Variants in KHSRP observed in about 807,000 individuals in gnomAD.
KHSRP encodes the protein far upstream element-binding protein 2.
In KHSRP, 13 loss-of-function variants were observed where a neutral mutation model predicts 94.9. The observed-to-expected ratio is 0.14, with a 90% CI of 0.09 to 0.22. The LOEUF is 0.22. KHSRP is among the 10% of genes least tolerant of loss of function. KHSRP has a pLI of 1.00. For missense variants in KHSRP, 710 were observed against 1,010.0 expected (o/e 0.70, Z 4.03); for synonymous variants, 495 against 401.4 (o/e 1.23, Z -2.79).
intron 11 of KHSRP, 78 bp from the exon 12 acceptor site, chr19:6,417,165 G>A: frequency 3.6e-6 from 4 of 1,122,464 alleles, no homozygotes; most frequent in Non-Finnish European, 3.8e-6. Context: ...GCCGCCTCCA[G>A]CGCAGACACC....
chr19:6,415,145 T>A lies in KHSRP; in HGVS notation c.2123A>T (p.Gln708Leu). The change falls in exon 19 of 19, where the codon CAG (glutamine) becomes CTG (leucine). Residue 708 changes from glutamine (Q) to leucine (L), a missense_variant. Physicochemically the swap from Gln to Leu is moderately radical, Grantham distance 113. This residue lies in a region of KHSRP where 292 missense variants were observed against 340.5 expected (regional missense o/e 0.86). Transcript: ENST00000600480. ...AGGGTGGCAATTCCCACTTGCCTGC[T>A]GCTGTCCCTGCTGCGTGGGCGGCGG... is the stretch of plus-strand genomic sequence containing the variant. Reference protein sequence around the residue: ...PQPPPTQQGQQQASGNCHPPP... With the variant: ...PQPPPTQQGQLQASGNCHPPP... The A allele has an allele frequency of 6.2e-7, 1 of 1,603,496 alleles. No individual in the cohort carries two copies. The highest frequency in any genetic ancestry group is 8.5e-7 in the Non-Finnish European group (1 of 1,178,704).
intron 6 of KHSRP, 135 bp downstream of exon 6, chr19:6,419,938 C>T: frequency 4.3e-6 from 3 of 691,132 alleles, no homozygotes; most frequent in Admixed American, 2.3e-5. Flanking sequence ...CTGCACTGAG[C>T]CTGGTCCGTA....
Position 6,414,785 on chromosome 19 carries a change from TG to T in KHSRP, c.*238del. 2 of 1,141,342 alleles carry T rather than the reference TG, an allele frequency of 1.8e-6. No homozygotes were observed. The highest frequency in any genetic ancestry group is 2.2e-6 in the Non-Finnish European group (2 of 929,408). 70.7% of individuals were successfully genotyped at this position (1,141,342 alleles called of 1,614,324 possible). A position where few individuals can be genotyped will look rare whatever the true frequency, so the allele number is the denominator to read the frequency against. On this transcript the variant is annotated 3_prime_UTR_variant, in exon 19 of 19. Coordinates refer to ENST00000600480, the MANE Select transcript of KHSRP (RefSeq NM_001366299.1). Reference sequence around the variant, plus strand: ...CCAAGTGGCCAGATTGTGAGCGAGGTGGTGGCGGCCGGGCCGGTGCCCACCG... The same window carrying T: ...CCAAGTGGCCAGATTGTGAGCGAGGTGTGGCGGCCGGGCCGGTGCCCACCG...
At chr19:6,416,441 C>G in intron 14 of KHSRP, 34 bp from the exon 15 acceptor site, 1 of 1,612,866 alleles carries the variant, frequency 6.2e-7, no homozygotes, top group South Asian at 1.1e-5. Context: ...GGTAAGTGGG[C>G]TGGGATCCGG....
intron 11 of KHSRP, 69 bp from the exon 12 acceptor site, chr19:6,417,156 C>A: frequency 8.0e-7 from 1 of 1,245,054 alleles, no homozygotes; most frequent in Non-Finnish European, 1.1e-6. Flanking sequence ...CCCTGCAACG[C>A]CGCCTCCAGC....
intron 1 of KHSRP, among the ~76,000 whole-genome samples, chr19:6,423,916 G>A (rs2092211214): frequency 6.6e-6 from 1 of 152,190 alleles, no homozygotes; most frequent in Non-Finnish European, 1.5e-5. Context: ...CCAAGAGCCA[G>A]TCCCCATGCT....
intron 15 of KHSRP, 125 bp downstream of exon 15, chr19:6,416,173 C>G (rs539156104): frequency 1.3e-6 from 1 of 748,570 alleles, no homozygotes; most frequent in South Asian, 1.9e-5. Context: ...TGATGGTATC[C>G]ACAAAAATGG....
Position 6,413,340 on chromosome 19 carries a change from C to A in KHSRP, c.*1684G>T. On this transcript the variant is annotated 3_prime_UTR_variant, in exon 19 of 19. Coordinates refer to ENST00000600480, the MANE Select transcript of KHSRP (RefSeq NM_001366299.1). ...AAGGGGGGGAGACAGACAGCACCCG[C>A]AGACGGGGAGGTTTTGTTATCATTT... 1 of 346,232 alleles carries A rather than the reference C, an allele frequency of 2.9e-6. No homozygotes were observed. Among genetic ancestry groups the A allele is most frequent in the East Asian group, 1.1e-4 (1 of 8,798 alleles). The allele number at this position is 346,232 out of a possible 1,614,324, so 21.4% of individuals were successfully genotyped here.
At position 6,414,561 on chromosome 19, in the gene KHSRP, C is replaced by G. The variant is rs1184928215; in HGVS notation, c.*463G>C. On this transcript the variant is annotated 3_prime_UTR_variant, in exon 19 of 19. Transcript: ENST00000600480. ...AGCCCGGGACACAGGCAAGCGCGAG[C>G]GCATGGGAGGCTGAGCCCGGCGGGG... is the stretch of plus-strand genomic sequence containing the variant. 4.9e-6 allele frequency: 5 copies of G among 1,021,304 alleles called. No individual in the cohort carries two copies. The South Asian group carries it at 1.7e-4, about 35-fold the overall frequency. The allele number at this position is 1,021,304 out of a possible 1,614,324, so 63.3% of individuals were successfully genotyped here. A position where few individuals can be genotyped will look rare whatever the true frequency, so the allele number is the denominator to read the frequency against.
rs2092222146 is a variant in KHSRP, at chr19:6,424,682, C to A, written c.20G>T (p.Gly7Val). The A allele has an allele frequency of 2.9e-6, 3 of 1,030,084 alleles. No individual in the cohort carries two copies. In the African/African-American group the frequency reaches 5.2e-5, roughly 18 times the overall value. 63.8% of individuals were successfully genotyped at this position (1,030,084 alleles called of 1,614,324 possible). Residue 7 changes from glycine to valine, a missense_variant, in exon 1 of 19, where the codon GGA (glycine) becomes GTA (valine). Transcript: ENST00000600480. MSDYST[G>V]GPPPGPPPPA... Reference sequence around the variant, plus strand: ...CGGCGGCGGCCCGGGCGGGGGTCCTCCCGTGCTGTAGTCCGACATGGCGCG... The same window carrying A: ...CGGCGGCGGCCCGGGCGGGGGTCCTACCGTGCTGTAGTCCGACATGGCGCG...
rs760897427 is a variant in KHSRP, at chr19:6,413,449, A to G, written c.*1575T>C. 3 of 406,008 alleles carry G rather than the reference A, an allele frequency of 7.4e-6. No individual in the cohort carries two copies. Among genetic ancestry groups the G allele is most frequent in the Admixed American group, 5.7e-5 (2 of 34,828 alleles). The allele number at this position is 406,008 out of a possible 1,614,324, so 25.2% of individuals were successfully genotyped here. ...TGTTCTCATTTTGTTTTCAGTTTCA[A>G]TCTCCTCTTGAACAGATGAAAAGAC... On this transcript the variant is annotated 3_prime_UTR_variant, in exon 19 of 19. Transcript: ENST00000600480.
At chr19:6,415,779 T>G (rs1292836933) in intron 16 of KHSRP, 29 bp downstream of exon 16, 8 of 1,553,452 alleles carry the variant, frequency 5.1e-6, no homozygotes, top group Non-Finnish European at 7.0e-6. Flanking sequence ...GAACAGGGCC[T>G]GCCCTCCGCC....
chr19:6,413,995 C>G lies in KHSRP; in HGVS notation c.*1029G>C. ...CCACCCTGCTTGCCGCGAGGGCTCC[C>G]CAGTACTCCCCACGGCAGCCATCGC... On this transcript the variant is annotated 3_prime_UTR_variant, in exon 19 of 19. Transcript: ENST00000600480. 4.2e-6 allele frequency: 6 copies of G among 1,441,668 alleles called. No individual in the cohort carries two copies. In the South Asian group the frequency reaches 5.7e-5, roughly 14 times the overall value. The allele number at this position is 1,441,668 out of a possible 1,614,324, so 89.3% of individuals were successfully genotyped here.
Position 6,415,475 on chromosome 19 carries a change from C to G in KHSRP, c.1889-18G>C, listed in dbSNP as rs545662390. ...CTGCTGGCCTGTGCGGGCGCCGAGA[C>G]AGGTCAGAAACCACTCCCCCGGCAG... On this transcript the variant is annotated intron_variant, in intron 17 of 18. Transcript: ENST00000600480. 4 of 1,553,080 alleles carry G rather than the reference C, an allele frequency of 2.6e-6. No individual in the cohort carries two copies. The highest frequency in any genetic ancestry group is 2.4e-5 in the South Asian group (2 of 84,242).
intron 1 of KHSRP, 61 bp from the exon 2 acceptor site, chr19:6,422,497 G>A: frequency 4.0e-6 from 5 of 1,251,204 alleles, no homozygotes; most frequent in Non-Finnish European, 5.8e-6. Context: ...ATGGCACCCA[G>A]GTCAACTTCT....
intron 10 of KHSRP, 47 bp from the exon 11 acceptor site, chr19:6,417,888 C>A: frequency 6.2e-7 from 1 of 1,602,730 alleles, no homozygotes; most frequent in Admixed American, 1.7e-5. Context: ...GCTCTGCTGC[C>A]CTCTGCTGCC....
Position 6,418,027 on chromosome 19 carries a change from A to G in KHSRP, c.932T>C (p.Phe311Ser). 2.5e-6 allele frequency: 4 copies of G among 1,613,914 alleles called. No homozygotes were observed. Among genetic ancestry groups the G allele is most frequent in the Non-Finnish European group, 3.4e-6 (4 of 1,179,856 alleles). Reference protein sequence around the residue: ...DILRERDQGGFGDRNEYGSRI... With the variant: ...DILRERDQGGSGDRNEYGSRI... The stretch of plus-strand genomic sequence containing the variant: ...AGATCCGTACTCATTCCGGTCCCCA[A>G]AGCCGCCTTGGTCACGTTCCCGGAG... Residue 311 changes from phenylalanine to serine, a missense_variant, in exon 10 of 19, where the codon TTT becomes TCT. By Grantham distance (155) the Phe-to-Ser change is radical (BLOSUM62 -2). Transcript: ENST00000600480. This position sits in a 1 kb window ranked among gnomAD's most constrained non-coding sequence, Gnocchi z 4.3.
Position 6,421,695 on chromosome 19 carries a change from AAG to A in KHSRP, c.347-9_347-8del, listed in dbSNP as rs758348203. The A allele has an allele frequency of 5.6e-6, 9 of 1,613,790 alleles. No individual in the cohort carries two copies. Among genetic ancestry groups the A allele is most frequent in the Admixed American group, 1.7e-5 (1 of 60,012 alleles). On this transcript the variant is annotated splice_region_variant and splice_polypyrimidine_tract_variant and intron_variant, in intron 2 of 18. Transcript: ENST00000600480. ...TTCTTGCTCTCCGGTTGATCTGGGA[AAG>A]AGAGAGGATGGCAGATGCAGCACCC...
chr19:6,415,283 C>T lies in KHSRP; in HGVS notation c.1985G>A (p.Gly662Glu). The T allele has an allele frequency of 6.2e-7, 1 of 1,613,132 alleles. No homozygotes were observed. The change falls in exon 19 of 19, where the codon GGG becomes GAG. Residue 662 changes from glycine to glutamate, a missense_variant. By Grantham distance (98) the Gly-to-Glu change is moderately conservative (BLOSUM62 -2). Coordinates refer to ENST00000600480, the MANE Select transcript of KHSRP (RefSeq NM_001366299.1). ...GGAGCCTGGGGGAGCTCCTGGACCC[C>T]CTCCGGTGGCCACTTGCGCTGTGGG... The part of the protein sequence containing the change: ...YKKQAQVATG[G>E]GPGAPPGSQP...
Sources: gnomAD v4.1 joint callset for allele counts (sites outside exome capture counted in the v4.1 genomes callset) on GRCh38, gnomAD v4.1.1 for gene constraint, gnomAD v4.1.1 regional missense constraint, Gnocchi (gnomAD v3.1) non-coding constraint, MANE v1.5 for transcripts, NCBI Gene and HGNC (gene_info 2026-07-23, HGNC 2026-07-21) for gene names.